NEDD1: variants seen among roughly 807,000 people sequenced by gnomAD.
The protein encoded by NEDD1 is protein NEDD1.
Under a neutral mutation model 74.0 loss-of-function variants are expected in NEDD1, and 33 were observed. That is an observed-to-expected ratio of 0.45 (90% CI 0.34 to 0.60). NEDD1 has a LOEUF of 0.60. NEDD1 is among the 20% of genes least tolerant of loss of function. The pLI, the probability that NEDD1 is intolerant of heterozygous loss-of-function variation, is 0.01. For missense variants in NEDD1, 746 were observed against 776.5 expected, an observed-to-expected ratio of 0.96 and a Z score of 0.47; for synonymous variants, 250 against 264.4, an observed-to-expected ratio of 0.95 and a Z score of 0.53.
chr12:96,918,177 TTGTG>T (rs898383031), intron 5 of NEDD1, among the ~76,000 whole-genome samples: 1 of 151,700 alleles, frequency 6.6e-6, no homozygotes, highest in Non-Finnish European at 1.5e-5. Flanking sequence ...TGTTTTTTTT[TTGTG>T]TGTGTGTGTT....
intron 6 of NEDD1, among the ~76,000 whole-genome samples, chr12:96,925,687 G>T (rs569883124): frequency 6.6e-6 from 1 of 152,290 alleles, no homozygotes; most frequent in South Asian, 2.1e-4. Context: ...TATGTGATAG[G>T]TTGCTGTATT....
intron 13 of NEDD1, among the ~76,000 whole-genome samples, chr12:96,945,291 T>A (rs1201898617): frequency 6.6e-6 from 1 of 152,130 alleles, no homozygotes; most frequent in Non-Finnish European, 1.5e-5. Flanking sequence ...GGATATATAT[T>A]GCATTAGCTT....
chr12:96,937,476 T>C (rs1205994074), intron 9 of NEDD1, 83 bp downstream of exon 9: 2 of 674,178 alleles, frequency 3.0e-6, no homozygotes, highest in Non-Finnish European at 2.4e-6. Flanking sequence ...AATTAGCACA[T>C]TCTTCAAGAA....
At chr12:96,923,132 G>A (rs562319158) in intron 6 of NEDD1, among the ~76,000 whole-genome samples, 1 of 151,546 alleles carries the variant, frequency 6.6e-6, no homozygotes, top group South Asian at 2.1e-4. Context: ...AAAAAAAAAA[G>A]CAAGGAATCA....
intron 5 of NEDD1, among the ~76,000 whole-genome samples, chr12:96,918,097 A>T (rs534738500): frequency 6.6e-6 from 1 of 151,978 alleles, no homozygotes; most frequent in African/African-American, 2.4e-5. Context: ...TTGTGATGAT[A>T]GTATTCAATA....
In NEDD1 at chr12:96,907,559, G is replaced by A. The variant is rs997760749; in HGVS notation, c.-261-45G>A. On this transcript the variant is annotated intron_variant, in intron 1 of 15. Transcript: ENST00000266742. ...CGAAAAGTTTGCCTCGTCTCCACAA[G>A]TCTGTCTCCTTTTTTGTCAACCTCA... The A allele has an allele frequency of 1.8e-5, 27 of 1,536,036 alleles. No individual in the cohort carries two copies. The Admixed American group carries it at 5.1e-4, about 29-fold the overall frequency.
intron 6 of NEDD1, among the ~76,000 whole-genome samples, chr12:96,924,083 T>C (rs1592882813): frequency 6.6e-6 from 1 of 152,238 alleles, no homozygotes; most frequent in East Asian, 1.9e-4. Context: ...TGAAAGAGGG[T>C]CCTATAGATA....
intron 6 of NEDD1, chr12:96,924,862 A>G (rs1440923793): frequency 4.4e-6 from 2 of 453,070 alleles, no homozygotes; most frequent in Non-Finnish European, 8.9e-6. Context: ...AATAGAAGTG[A>G]TGATAGTGGA....
chr12:96,926,143 A>G (rs1457580312), intron 6 of NEDD1, among the ~76,000 whole-genome samples: 1 of 152,140 alleles, frequency 6.6e-6, no homozygotes, highest in East Asian at 1.9e-4. Flanking sequence ...ATGAATACCA[A>G]TCCATTAAAA....
At chr12:96,908,288 A>G (rs1873536184) in intron 2 of NEDD1, among the ~76,000 whole-genome samples, 1 of 152,176 alleles carries the variant, frequency 6.6e-6, no homozygotes, top group Non-Finnish European at 1.5e-5. Context: ...AAACGTTTCT[A>G]TAATTCTGTC....
intron 14 of NEDD1, 26 bp downstream of exon 14, chr12:96,945,875 T>A: frequency 6.9e-7 from 1 of 1,455,052 alleles, no homozygotes; most frequent in Non-Finnish European, 9.5e-7. Flanking sequence ...CTACTCCTTC[T>A]ATCTAGACCT....
At chr12:96,917,207 CT>C (rs1347972475) in intron 4 of NEDD1, among the ~76,000 whole-genome samples, 1 of 152,042 alleles carries the variant, frequency 6.6e-6, no homozygotes, top group Non-Finnish European at 1.5e-5. Context: ...ACTGGAAATT[CT>C]TTTAAAGTCT....
At chr12:96,946,612 T>C (rs1289791054) in intron 14 of NEDD1, among the ~76,000 whole-genome samples, 1 of 152,218 alleles carries the variant, frequency 6.6e-6, no homozygotes, top group Non-Finnish European at 1.5e-5. Context: ...TTTTGGCATT[T>C]ACCCTACCTA....
At chr12:96,935,276 A>AT in intron 7 of NEDD1, 71 bp downstream of exon 7, 1 of 903,498 alleles carries the variant, frequency 1.1e-6, no homozygotes, top group East Asian at 2.5e-5. Context: ...CATATTTGTG[A>AT]TTTATATAGA....
chr12:96,908,072 T>TA (rs1264282352), intron 2 of NEDD1, among the ~76,000 whole-genome samples: 1 of 152,166 alleles, frequency 6.6e-6, no homozygotes, highest in African/African-American at 2.4e-5. Flanking sequence ...TTACAGGGCT[T>TA]AGAGCTCGCT....
intron 4 of NEDD1, among the ~76,000 whole-genome samples, chr12:96,916,094 G>A (rs1402097388): frequency 6.6e-6 from 1 of 152,058 alleles, no homozygotes; most frequent in African/African-American, 2.4e-5. Context: ...TTAAGGAATG[G>A]AAGGTCAGTA....
In NEDD1 at chr12:96,912,820, A is replaced by G. The variant is rs1874057933; in HGVS notation, c.231+3A>G. 2 of 1,524,524 alleles carry G rather than the reference A, an allele frequency of 1.3e-6. No individual in the cohort carries two copies. The highest frequency in any genetic ancestry group is 2.4e-5 in the South Asian group (2 of 83,126). 94.4% of individuals were successfully genotyped at this position (1,524,524 alleles called of 1,614,324 possible). On this transcript the variant is annotated splice_donor_region_variant and intron_variant, in intron 4 of 15. Coordinates refer to ENST00000266742, the MANE Select transcript of NEDD1 (RefSeq NM_152905.4). ...CACTTTTAGAGCTTGCTGAAGGGGT[A>G]AGTGATTTTTTTTTTTTTTAAACTT...
chr12:96,930,191 ACACACACACACACACACACACTCT>A lies in NEDD1; in HGVS notation c.490-4783_490-4760del, dbSNP rs1370810430. On this transcript the variant is annotated intron_variant, in intron 6 of 15. Coordinates refer to ENST00000266742, the MANE Select transcript of NEDD1 (RefSeq NM_152905.4). ...CACACACACACACACACACACACAC[ACACACACACACACACACACACTCT>A]CTCTCTCTCTCTCTCTCTCTCTCTC... Among the ~76,000 whole-genome samples the A allele has an allele frequency of 8.0e-3, 596 of 74,748 alleles. 1 individual carries two copies. The highest frequency in any genetic ancestry group is 0.024 in the African/African-American group (511 of 21,012). 49.0% of individuals were successfully genotyped at this position (74,748 alleles called of 152,430 possible).
chr12:96,931,838 C>T (rs978552663), intron 6 of NEDD1, among the ~76,000 whole-genome samples: 1 of 152,080 alleles, frequency 6.6e-6, no homozygotes, highest in South Asian at 2.1e-4. Flanking sequence ...AAGGATACCC[C>T]CTCAAAATGT....
Sources: gnomAD v4.1 joint callset for allele counts (sites outside exome capture counted in the v4.1 genomes callset) on GRCh38, gnomAD v4.1.1 for gene constraint, MANE v1.5 for transcripts, NCBI Gene and HGNC (gene_info 2026-07-23, HGNC 2026-07-21) for gene names.